The following IFT88 variants were observed in gnomAD, a reference collection of about 807,000 sequenced individuals.
The protein encoded by IFT88 is intraflagellar transport protein 88 homolog.
A neutral mutation model predicts 119.5 loss-of-function variants in IFT88; 74 were observed. That is an observed-to-expected ratio of 0.62 (90% CI 0.51 to 0.75). The LOEUF is 0.75. IFT88 is among the 30% of genes least tolerant of loss of function. The pLI, the probability that IFT88 is intolerant of heterozygous loss-of-function variation, is 0.00. For missense variants in IFT88, 961 were observed against 977.7 expected, an observed-to-expected ratio of 0.98 and a Z score of 0.23; for synonymous variants, 279 against 316.7, an observed-to-expected ratio of 0.88 and a Z score of 1.26.
At chr13:20,635,223 T>G (rs1245356230) in intron 16 of IFT88, among the ~76,000 whole-genome samples, 1 of 152,140 alleles carries the variant, frequency 6.6e-6, no homozygotes, top group African/African-American at 2.4e-5. Flanking sequence ...TTCCAAAGGA[T>G]TATAAAACAT....
intron 22 of IFT88, among the ~76,000 whole-genome samples, chr13:20,659,219 C>T (rs1352220641): frequency 6.6e-6 from 1 of 152,142 alleles, no homozygotes; most frequent in Non-Finnish European, 1.5e-5. Context: ...TCTGGCTGTG[C>T]GTGATGGCTC....
intron 2 of IFT88, among the ~76,000 whole-genome samples, chr13:20,574,848 G>A (rs1316591587): frequency 1.3e-5 from 2 of 152,130 alleles, no homozygotes; most frequent in Non-Finnish European, 2.9e-5. Context: ...CATAGTAGGT[G>A]CATATATTTA....
intron 24 of IFT88, among the ~76,000 whole-genome samples, chr13:20,677,002 C>T (rs1237240847): frequency 1.3e-5 from 2 of 152,140 alleles, no homozygotes; most frequent in Admixed American, 6.5e-5. Context: ...GTTTTATCTA[C>T]AGATAAGCAT....
chr13:20,614,114 C>T (rs2045159681), intron 13 of IFT88, among the ~76,000 whole-genome samples: 1 of 152,066 alleles, frequency 6.6e-6, no homozygotes, highest in African/African-American at 2.4e-5. Context: ...GAGTTATCTC[C>T]CTATAAAGCT....
chr13:20,630,551 T>C (rs908021766), intron 15 of IFT88, among the ~76,000 whole-genome samples: 43 of 152,108 alleles, frequency 2.8e-4, no homozygotes, highest in African/African-American at 1.0e-3. Flanking sequence ...CTCCCAAGGA[T>C]CATTATTATT....
intron 15 of IFT88, among the ~76,000 whole-genome samples, chr13:20,629,846 A>G (rs2047924842): frequency 6.6e-6 from 1 of 152,182 alleles, no homozygotes; most frequent in Non-Finnish European, 1.5e-5. Flanking sequence ...CAGTAAATAT[A>G]TTTTAAAAGA....
intron 12 of IFT88, among the ~76,000 whole-genome samples, 178 bp downstream of exon 12, chr13:20,602,111 G>A (rs2042684272): frequency 1.3e-5 from 2 of 151,312 alleles, no homozygotes; most frequent in African/African-American, 4.9e-5. Flanking sequence ...AGACTCTATT[G>A]AAATGGGGTA....
rs2049357621 is a variant in IFT88, at chr13:20,638,451, G to C, written c.1506G>C (p.Lys502Asn). 1 of 1,533,188 alleles carries C rather than the reference G, an allele frequency of 6.5e-7. No individual in the cohort carries two copies. The highest frequency in any genetic ancestry group is 1.4e-5 in the African/African-American group (1 of 70,730). 95.0% of individuals were successfully genotyped at this position (1,533,188 alleles called of 1,614,324 possible). ...TTTTTGCAAATGGTGATTATGAGAA[G>C]GCCGCTGAATTCTATAAAGAGGCTC... ...NTVFANGDYE[K>N]AAEFYKEALR... The change falls in exon 17 of 26, where the codon AAG becomes AAC. Residue 502 changes from lysine to asparagine, a missense_variant. Lys to Asn is a moderately conservative substitution (Grantham distance 94, BLOSUM62 0). Coordinates refer to ENST00000351808, the MANE Select transcript of IFT88 (RefSeq NM_006531.5).
intron 24 of IFT88, among the ~76,000 whole-genome samples, chr13:20,687,212 G>A (rs1212166435): frequency 6.6e-6 from 1 of 152,064 alleles, no homozygotes; most frequent in Non-Finnish European, 1.5e-5. Flanking sequence ...GCAAGGAGGG[G>A]GTCAGGTTGT....
intron 14 of IFT88, among the ~76,000 whole-genome samples, chr13:20,621,526 TAAAAAAAAAAAAAAAAAAA>T (rs200491393): frequency 0.74 from 97,016 of 131,774 alleles, 34,444 homozygotes; most frequent in East Asian, 0.94. Context: ...CCTGCTGAGA[TAAAAAAAAAAAAAAAAAAA>T]AAAAAAAAAA....
At chr13:20,615,225 A>G (rs554905768) in intron 13 of IFT88, among the ~76,000 whole-genome samples, 1 of 152,358 alleles carries the variant, frequency 6.6e-6, no homozygotes, top group African/African-American at 2.4e-5. Flanking sequence ...AAATTCAAGA[A>G]GAAATGACTA....
chr13:20,667,045 AT>A (rs1838560922), intron 23 of IFT88, among the ~76,000 whole-genome samples: 1 of 152,170 alleles, frequency 6.6e-6, no homozygotes, highest in Admixed American at 6.5e-5. Flanking sequence ...GTAAATACAG[AT>A]TTCCGTCACT....
chr13:20,629,013 ATTG>A (rs1481960943), intron 15 of IFT88, among the ~76,000 whole-genome samples: 1 of 152,090 alleles, frequency 6.6e-6, no homozygotes, highest in African/African-American at 2.4e-5. Flanking sequence ...TTAAAAAAAA[ATTG>A]TTGTTATTGC....
At chr13:20,580,172 T>C (rs752833056) in intron 2 of IFT88, among the ~76,000 whole-genome samples, 1 of 152,196 alleles carries the variant, frequency 6.6e-6, no homozygotes, top group Non-Finnish European at 1.5e-5. Flanking sequence ...ATACTAAATA[T>C]TTGAATATTA....
chr13:20,597,761 A>ATATG (rs2041986885), intron 9 of IFT88, among the ~76,000 whole-genome samples: 2 of 149,082 alleles, frequency 1.3e-5, no homozygotes, highest in African/African-American at 4.9e-5. Flanking sequence ...AAAAATATAT[A>ATATG]TATATATATT....
chr13:20,687,316 C>A (rs1294483666), intron 24 of IFT88, among the ~76,000 whole-genome samples: 1 of 152,170 alleles, frequency 6.6e-6, no homozygotes, highest in Non-Finnish European at 1.5e-5. Context: ...ATTATTAAGA[C>A]AGCCACATTT....
chr13:20,582,595 G>T (rs556347846), intron 2 of IFT88, among the ~76,000 whole-genome samples: 1 of 152,084 alleles, frequency 6.6e-6, no homozygotes, highest in African/African-American at 2.4e-5. Flanking sequence ...TGGGGAGAGA[G>T]AGAGAAAGAG....
rs376432672 is a variant in IFT88, at chr13:20,646,538, G to A, written c.1949+1580G>A. ...TCACCATGTTGGTGAGGCTGGTCTT[G>A]AACTCCTGACCTCAAGTGATCCATT... On this transcript the variant is annotated intron_variant, in intron 20 of 25. Transcript: ENST00000351808. Among the ~76,000 whole-genome samples, 103 of 151,904 alleles carry A rather than the reference G, an allele frequency of 6.8e-4. 2 individuals are homozygous for A. In the South Asian group the frequency reaches 0.02, roughly 30 times the overall value.
chr13:20,668,771 A>G (rs2055224608), intron 23 of IFT88, among the ~76,000 whole-genome samples: 1 of 152,186 alleles, frequency 6.6e-6, no homozygotes, highest in African/African-American at 2.4e-5. Flanking sequence ...AAGATGAGGG[A>G]GGGCAGGCAG....
Sources: gnomAD v4.1 joint callset for allele counts (sites outside exome capture counted in the v4.1 genomes callset) on GRCh38, gnomAD v4.1.1 for gene constraint, MANE v1.5 for transcripts, NCBI Gene and HGNC (gene_info 2026-07-23, HGNC 2026-07-21) for gene names.